Variants in ROBO1 observed in about 807,000 individuals in gnomAD.
ROBO1 encodes roundabout guidance receptor 1.
ROBO1 carries 149 observed loss-of-function variants against 195.9 expected under a neutral mutation model. That is an observed-to-expected ratio of 0.76 (90% CI 0.67 to 0.87). The LOEUF is 0.87. Among genes scored for constraint, ROBO1 ranks in the 40% least tolerant of loss-of-function variants. The pLI is 0.00. For missense variants in ROBO1, 1,933 were observed against 2,068.3 expected, an observed-to-expected ratio of 0.93 and a Z score of 1.27; for synonymous variants, 816 against 733.2, an observed-to-expected ratio of 1.11 and a Z score of -1.82.
intron 1 of ROBO1, among the ~76,000 whole-genome samples, chr3:79,666,710 C>G (rs9857798): frequency 0.61 from 92,745 of 151,640 alleles, 28,576 homozygotes; most frequent in South Asian, 0.71. Context: ...GAGGAACTAT[C>G]TGTCCATTAA....
intron 1 of ROBO1, among the ~76,000 whole-genome samples, chr3:79,679,485 A>C (rs1946880743): frequency 6.6e-6 from 1 of 152,082 alleles, no homozygotes. Flanking sequence ...AGAAGTATTA[A>C]AGTTGTGAAC....
At chr3:79,092,269 T>C (rs1464820729) in intron 3 of ROBO1, among the ~76,000 whole-genome samples, 2 of 152,070 alleles carry the variant, frequency 1.3e-5, no homozygotes, top group African/African-American at 4.8e-5. Flanking sequence ...AAAAGCTGGG[T>C]TGCCATTTAA....
chr3:78,981,461 A>G (rs2076988348), intron 3 of ROBO1, among the ~76,000 whole-genome samples: 1 of 152,178 alleles, frequency 6.6e-6, no homozygotes, highest in South Asian at 2.1e-4. Context: ...AATTGTGGTA[A>G]AAAACATAAT....
intron 4 of ROBO1, among the ~76,000 whole-genome samples, chr3:78,828,984 T>C (rs1230695930): frequency 6.6e-6 from 1 of 152,206 alleles, no homozygotes; most frequent in Non-Finnish European, 1.5e-5. Context: ...GTGTGGAATG[T>C]TTCTCAGGGA....
At chr3:79,058,409 C>T (rs937724942) in intron 3 of ROBO1, among the ~76,000 whole-genome samples, 24 of 152,004 alleles carry the variant, frequency 1.6e-4, no homozygotes, top group African/African-American at 5.1e-4. Flanking sequence ...CCCAAGGCCT[C>T]GTATGATACT....
intron 2 of ROBO1, among the ~76,000 whole-genome samples, chr3:79,370,678 T>A (rs1335264658): frequency 1.3e-5 from 2 of 151,514 alleles, no homozygotes; most frequent in African/African-American, 4.8e-5. Flanking sequence ...ATGTATTATA[T>A]ATATATTATT....
chr3:78,815,066 G>T (rs768573374), intron 4 of ROBO1, among the ~76,000 whole-genome samples: 7 of 152,030 alleles, frequency 4.6e-5, no homozygotes, highest in Non-Finnish European at 8.8e-5. Flanking sequence ...GTTTGTTCAG[G>T]TTCAGACTGT....
chr3:79,247,326 T>A (rs532975306), intron 2 of ROBO1, among the ~76,000 whole-genome samples: 1 of 149,570 alleles, frequency 6.7e-6, no homozygotes, highest in East Asian at 2.0e-4. Context: ...CTGTCTTAAC[T>A]GTCAGACGCC....
chr3:79,684,156 G>A (rs945255948), intron 1 of ROBO1, among the ~76,000 whole-genome samples: 5 of 152,056 alleles, frequency 3.3e-5, no homozygotes, highest in Non-Finnish European at 5.9e-5. Flanking sequence ...TGCACTTTAA[G>A]CTGTATCTTA....
chr3:78,773,453 C>T (rs537561527), intron 4 of ROBO1, among the ~76,000 whole-genome samples: 2 of 152,174 alleles, frequency 1.3e-5, no homozygotes, highest in East Asian at 3.9e-4. Context: ...ATTCATTCTA[C>T]TCATTTGTAT....
chr3:78,888,307 G>T (rs1214734026), intron 4 of ROBO1, among the ~76,000 whole-genome samples: 12 of 152,176 alleles, frequency 7.9e-5, no homozygotes, highest in Admixed American at 7.9e-4. Context: ...ATTTACTACT[G>T]GTTAGCCATT....
At chr3:78,938,982 T>C in intron 3 of ROBO1, 55 bp from the exon 4 acceptor site, 1 of 1,448,434 alleles carries the variant, frequency 6.9e-7, no homozygotes, top group Admixed American at 2.0e-5. Context: ...AGTTAATCGC[T>C]TATTTTTAAA....
intron 8 of ROBO1, among the ~76,000 whole-genome samples, chr3:78,693,803 T>G (rs1250644051): frequency 2.0e-5 from 3 of 152,132 alleles, no homozygotes; most frequent in African/African-American, 7.2e-5. Context: ...TCAGTTCAAT[T>G]TTTGAAAGGT....
At chr3:79,301,235 T>G (rs950001953) in intron 2 of ROBO1, among the ~76,000 whole-genome samples, 2 of 151,594 alleles carry the variant, frequency 1.3e-5, no homozygotes, top group Non-Finnish European at 2.9e-5. Flanking sequence ...TCCGCAAACA[T>G]CCGAACATCA....
At chr3:79,197,208 A>G (rs114991580) in intron 2 of ROBO1, among the ~76,000 whole-genome samples, 14,300 of 151,438 alleles carry the variant, frequency 0.094, 1,194 homozygotes, top group African/African-American at 0.23. Flanking sequence ...CCCCTGATAG[A>G]CCCTGGTGTG....
chr3:79,282,323 C>T (rs2031577258), intron 2 of ROBO1, among the ~76,000 whole-genome samples: 1 of 152,134 alleles, frequency 6.6e-6, no homozygotes, highest in Non-Finnish European at 1.5e-5. Context: ...TCCTCTTTAT[C>T]CATCAAATTG....
chr3:79,511,985 C>A (rs1940730594), intron 2 of ROBO1, among the ~76,000 whole-genome samples: 1 of 152,048 alleles, frequency 6.6e-6, no homozygotes. Context: ...GGCTTTATAC[C>A]TGGATGATGA....
chr3:78,610,566 T>G (rs1703751276), intron 28 of ROBO1, among the ~76,000 whole-genome samples: 1 of 152,170 alleles, frequency 6.6e-6, no homozygotes, highest in African/African-American at 2.4e-5. Context: ...AGCTGATGAC[T>G]GCCACTATCA....
At chr3:79,164,795 T>C (rs985337370) in intron 2 of ROBO1, among the ~76,000 whole-genome samples, 2 of 152,186 alleles carry the variant, frequency 1.3e-5, no homozygotes, top group African/African-American at 2.4e-5. Context: ...CTATCTGTTG[T>C]GGCCTAATGG....
Sources: gnomAD v4.1 joint callset for allele counts (sites outside exome capture counted in the v4.1 genomes callset) on GRCh38, gnomAD v4.1.1 for gene constraint, MANE v1.5 for transcripts, NCBI Gene and HGNC (gene_info 2026-07-23, HGNC 2026-07-21) for gene names.